The following ATP2B3 variants were observed in gnomAD, a reference collection of about 807,000 sequenced individuals.
ATP2B3 encodes the protein ATPase plasma membrane Ca2+ transporting 3.
In ATP2B3, 12 loss-of-function variants were observed where a neutral mutation model predicts 70.8. The ratio of observed to expected loss-of-function variants is 0.17; its 90% CI spans 0.11 to 0.27. The LOEUF is 0.27. Among genes scored for constraint, ATP2B3 ranks in the 10% least tolerant of loss-of-function variants. The pLI is 1.00. For synonymous variants in ATP2B3, 460 were observed against 497.8 expected, an observed-to-expected ratio of 0.92 and a Z score of 1.01; for missense variants, 858 against 1,118.5, an observed-to-expected ratio of 0.77 and a Z score of 3.32.
intron 2 of ATP2B3, among the ~76,000 whole-genome samples, chrX:153,528,158 A>C (rs1569533312): frequency 8.8e-6 from 1 of 113,062 alleles, no homozygotes; most frequent in East Asian, 2.8e-4. Context: ...CATTGGTTCT[A>C]ATCACTTGCT....
Position 153,569,355 on chromosome X carries a change from T to C in ATP2B3, c.3342+4252T>C. 3 of 545,124 alleles carry C rather than the reference T, an allele frequency of 5.5e-6. No individual in the cohort carries two copies. In the South Asian group the frequency reaches 7.0e-5, roughly 13 times the overall value. 44.9% of individuals were successfully genotyped at this position (545,124 alleles called of 1,213,427 possible). On this transcript the variant is annotated intron_variant, in intron 21 of 21. Transcript: ENST00000263519. Reference sequence around the variant, plus strand: ...CAGTGTGCCCTGACTTGTGACCCCCTTCCCTTCCCAATCTCATGACCACTA... The same window carrying C: ...CAGTGTGCCCTGACTTGTGACCCCCCTCCCTTCCCAATCTCATGACCACTA...
At chrX:153,562,539 C>G (rs1450912640) in intron 20 of ATP2B3, among the ~76,000 whole-genome samples, 1 of 112,132 alleles carries the variant, frequency 8.9e-6, no homozygotes, top group Non-Finnish European at 1.9e-5. Context: ...CTTGGGAAAT[C>G]CCCACATATT....
intron 3 of ATP2B3, among the ~76,000 whole-genome samples, chrX:153,537,281 G>A (rs1263975199): frequency 4.4e-5 from 5 of 113,464 alleles, no homozygotes; most frequent in African/African-American, 1.6e-4. Context: ...GGCGCTGCGT[G>A]CCTGGCAGGG....
Position 153,541,355 on chromosome X carries a change from G to A in ATP2B3, c.209-4G>A. 8.3e-7 allele frequency: 1 copy of A among 1,211,921 alleles called. No homozygotes were observed. Among genetic ancestry groups the A allele is most frequent in the Non-Finnish European group, 1.1e-6 (1 of 895,550 alleles). On this transcript the variant is annotated splice_polypyrimidine_tract_variant and splice_region_variant and intron_variant, in intron 3 of 21. Coordinates refer to ENST00000263519, the MANE Select transcript of ATP2B3 (RefSeq NM_001001344.3). The stretch of plus-strand genomic sequence containing the variant: ...CCCTTCTGTGCTTCCGGGGCACCAT[G>A]CAGGCCTGGCGGACAACACCAATGA...
At chrX:153,564,169 C>T (rs2090667081) in intron 20 of ATP2B3, among the ~76,000 whole-genome samples, 1 of 113,044 alleles carries the variant, frequency 8.8e-6, no homozygotes, top group Non-Finnish European at 1.9e-5. Flanking sequence ...GGTGTTCCTC[C>T]AGGAGATGCC....
intron 21 of ATP2B3, among the ~76,000 whole-genome samples, chrX:153,567,681 C>T (rs1557018643): frequency 8.9e-6 from 1 of 112,058 alleles, no homozygotes; most frequent in African/African-American, 3.2e-5. Flanking sequence ...TCTTAGAGTT[C>T]CAGGCTGTTC....
At chrX:153,523,625 G>C (rs1463371630) in intron 2 of ATP2B3, among the ~76,000 whole-genome samples, 1 of 110,803 alleles carries the variant, frequency 9.0e-6, no homozygotes, top group African/African-American at 3.3e-5. Flanking sequence ...GCTGATGAGG[G>C]GGCACGTTTT....
At chrX:153,556,528 T>A (rs1376352004) in intron 15 of ATP2B3, 110 bp downstream of exon 15, 2 of 819,648 alleles carry the variant, frequency 2.4e-6, no homozygotes, top group Non-Finnish European at 3.5e-6. Flanking sequence ...CCTAGGAAGC[T>A]GGGTCCATTT....
rs781939769 is a variant in ATP2B3, at chrX:153,560,809, C to T, written c.2973C>T (p.His991=). 9.7e-5 allele frequency: 118 copies of T among 1,210,515 alleles called. No homozygotes were observed. In the East Asian group the frequency reaches 1.4e-3, roughly 14 times the overall value. The part of the protein sequence containing the change: ...LFNEINARKI[H]GERNVFDGIF... ...ACGAGATCAACGCCCGCAAGATCCA[C>T]GGCGAGAGGAACGTGTTCGACGGCA... Residue 991 remains histidine (H), a synonymous_variant, in exon 19 of 22, where the codon CAC becomes CAT. Coordinates refer to ENST00000263519, the MANE Select transcript of ATP2B3 (RefSeq NM_001001344.3).
At chrX:153,547,640 C>T (rs1452882075) in intron 8 of ATP2B3, among the ~76,000 whole-genome samples, 195 bp from the exon 9 acceptor site, 2 of 111,137 alleles carry the variant, frequency 1.8e-5, no homozygotes, top group African/African-American at 6.6e-5. Context: ...AGTGCTGGAG[C>T]CACCCCACCC....
chrX:153,529,288 G>A (rs2090078836), intron 2 of ATP2B3, among the ~76,000 whole-genome samples: 1 of 112,212 alleles, frequency 8.9e-6, no homozygotes, highest in Non-Finnish European at 1.9e-5. Context: ...GGCAGGATAT[G>A]GGTGGTGTTA....
At position 153,550,237 on chromosome X, in the gene ATP2B3, G is replaced by A; in HGVS notation, c.1774G>A (p.Gly592Ser). Residue 592 changes from glycine (G) to serine (S), a missense_variant, in exon 12 of 22, where the codon GGT (glycine) becomes AGT (serine). Physicochemically the swap from Gly to Ser is moderately conservative, Grantham distance 56 (BLOSUM62 0). This residue lies in a region of ATP2B3 where 242 missense variants were observed against 281.3 expected (regional missense o/e 0.86). Transcript: ENST00000263519. ...SMSTVIRMPD[G>S]GFRLFSKGAS... ...GAGCACAGTCATCCGCATGCCCGAC[G>A]GTGGCTTCCGCCTCTTCAGCAAGGG... The A allele has an allele frequency of 1.6e-6, 2 of 1,212,382 alleles. No homozygotes were observed. Among genetic ancestry groups the A allele is most frequent in the South Asian group, 3.5e-5 (2 of 57,040 alleles).
At chrX:153,521,968 G>A (rs1204242644) in intron 2 of ATP2B3, among the ~76,000 whole-genome samples, 1 of 112,273 alleles carries the variant, frequency 8.9e-6, no homozygotes, top group Non-Finnish European at 1.9e-5. Context: ...GTGGCACAAG[G>A]CCACTAATGC....
intron 21 of ATP2B3, among the ~76,000 whole-genome samples, chrX:153,573,296 T>G (rs549573879): frequency 3.3e-3 from 366 of 112,523 alleles, no homozygotes; most frequent in Admixed American, 5.4e-3. Flanking sequence ...TGGACACTCC[T>G]TTCCAGGGCC....
At chrX:153,546,695 C>G (rs1466342171) in intron 8 of ATP2B3, among the ~76,000 whole-genome samples, 2 of 113,085 alleles carry the variant, frequency 1.8e-5, no homozygotes, top group African/African-American at 6.4e-5. Context: ...CCAGCCGTGG[C>G]CCACGGAGGA....
Position 153,558,095 on chromosome X carries a change from G to A in ATP2B3, c.2434-17G>A, listed in dbSNP as rs782354092. 1 of 1,200,140 alleles carries A rather than the reference G, an allele frequency of 8.3e-7. No individual in the cohort carries two copies. The highest frequency in any genetic ancestry group is 2.3e-4 in the Middle Eastern group (1 of 4,300). ...CCCCACAAACACTCTGTGTGAGTGT[G>A]TGTGTCACCCCCCCAGGGCATCGCA... On this transcript the variant is annotated splice_polypyrimidine_tract_variant and intron_variant, in intron 16 of 21. Transcript: ENST00000263519.
At chrX:153,557,558 C>G (rs2090557186) in intron 16 of ATP2B3, among the ~76,000 whole-genome samples, 1 of 112,239 alleles carries the variant, frequency 8.9e-6, no homozygotes, top group African/African-American at 3.2e-5. Context: ...CCAGTCCTTC[C>G]CAGCACCCGT....
At chrX:153,545,126 C>T (rs2090345749) in intron 7 of ATP2B3, among the ~76,000 whole-genome samples, 6 of 112,856 alleles carry the variant, frequency 5.3e-5, no homozygotes. Context: ...CTGGGGACCC[C>T]GGATCCCAAC....
intron 3 of ATP2B3, among the ~76,000 whole-genome samples, chrX:153,539,363 G>A (rs1025889024): frequency 8.9e-6 from 1 of 112,927 alleles, no homozygotes; most frequent in African/African-American, 3.2e-5. Flanking sequence ...GGACAGCTGC[G>A]GCTCTTCTGG....
Sources: gnomAD v4.1 joint callset for allele counts (sites outside exome capture counted in the v4.1 genomes callset) on GRCh38, gnomAD v4.1.1 for gene constraint, gnomAD v4.1.1 regional missense constraint, MANE v1.5 for transcripts, NCBI Gene and HGNC (gene_info 2026-07-23, HGNC 2026-07-21) for gene names.